ARHGAP10: variants seen among roughly 807,000 people sequenced by gnomAD.
ARHGAP10 encodes Rho GTPase activating protein 10.
ARHGAP10 carries 87 observed loss-of-function variants against 108.6 expected under a neutral mutation model. The observed-to-expected ratio is 0.80, with a 90% confidence interval of 0.67 to 0.96. ARHGAP10 has a LOEUF of 0.96. Among genes scored for constraint, ARHGAP10 ranks in the 40% least tolerant of loss-of-function variants. The pLI, the probability that ARHGAP10 is intolerant of heterozygous loss-of-function variation, is 0.00. For missense variants in ARHGAP10, 939 were observed against 954.5 expected, an observed-to-expected ratio of 0.98 and a Z score of 0.21; for synonymous variants, 347 against 341.1, an observed-to-expected ratio of 1.02 and a Z score of -0.19.
intron 1 of ARHGAP10, among the ~76,000 whole-genome samples, chr4:147,743,015 G>A (rs1728750557): frequency 6.7e-6 from 1 of 149,408 alleles, no homozygotes; most frequent in African/African-American, 2.5e-5. Flanking sequence ...CTGCCATACT[G>A]ATCGATAGTT....
At chr4:147,779,380 C>T (rs1208909482) in intron 1 of ARHGAP10, among the ~76,000 whole-genome samples, 1 of 152,088 alleles carries the variant, frequency 6.6e-6, no homozygotes, top group African/African-American at 2.4e-5. Context: ...CTGGCACTCT[C>T]TTTAGGCAGT....
At chr4:147,914,561 C>G (rs904542380) in intron 13 of ARHGAP10, among the ~76,000 whole-genome samples, 1 of 112,628 alleles carries the variant, frequency 8.9e-6, no homozygotes, top group Non-Finnish European at 1.8e-5. Context: ...TGCGCTCCCC[C>G]CCCCCCCTTT....
rs1560889641 is a variant in ARHGAP10, at chr4:148,043,748, A to ATGTGTATATATATGTG, written c.1868-3143_1868-3142insGTGTATATATATGTGT. Reference sequence around the variant, plus strand: ...CATATATATATGTGTATATATATGTATATATGTATATATATGTGTATATAT... The same window carrying ATGTGTATATATATGTG: ...CATATATATATGTGTATATATATGTATGTGTATATATATGTGTATATGTATATATATGTGTATATAT... On this transcript the variant is annotated intron_variant, in intron 19 of 22. Coordinates refer to ENST00000336498, the MANE Select transcript of ARHGAP10 (RefSeq NM_024605.4). Among the ~76,000 whole-genome samples, 983 of 144,194 alleles carry ATGTGTATATATATGTG rather than the reference A, an allele frequency of 6.8e-3. 13 individuals carry two copies. The highest frequency in any genetic ancestry group is 0.024 in the African/African-American group (938 of 39,334). The allele number at this position is 144,194 out of a possible 152,430, so 94.6% of individuals were successfully genotyped here.
intron 4 of ARHGAP10, chr4:147,854,602 TG>T (rs1000532651): frequency 5.7e-5 from 37 of 647,676 alleles, no homozygotes; most frequent in Non-Finnish European, 6.7e-5. Flanking sequence ...AATGCAGTAT[TG>T]GGGGAAAAAA....
Position 147,813,782 on chromosome 4 carries a change from A to G in ARHGAP10, c.155-8945A>G, listed in dbSNP as rs183433872. Among the ~76,000 whole-genome samples the G allele has an allele frequency of 1.2e-3, 189 of 152,306 alleles. 2 individuals carry two copies. Among genetic ancestry groups the G allele is most frequent in the Middle Eastern group, 3.4e-3 (1 of 294 alleles). ...CTGGTCTCTTCGTAATTGTATTCTC[A>G]TTATTTAAGGCTTTGCATTCAAAAG... On this transcript the variant is annotated intron_variant, in intron 1 of 22. Coordinates refer to ENST00000336498, the MANE Select transcript of ARHGAP10 (RefSeq NM_024605.4).
rs1021703925 is a variant in ARHGAP10 at position 147,893,336 on chromosome 4, A to G, written c.1034+11404A>G. Among the ~76,000 whole-genome samples, 3 of 151,724 alleles carry G rather than the reference A, an allele frequency of 2.0e-5. No homozygotes were observed. In the East Asian group the frequency reaches 5.8e-4, roughly 29 times the overall value. On this transcript the variant is annotated intron_variant, in intron 10 of 22. Transcript: ENST00000336498. ...GCCTCCCAAAGTGCTGGGATTACAG[A>G]CGTGAGCCACTGCTCCCGGCAGGAA...
intron 20 of ARHGAP10, among the ~76,000 whole-genome samples, chr4:148,061,909 G>A (rs930348752): frequency 2.6e-5 from 4 of 152,174 alleles, no homozygotes; most frequent in African/African-American, 9.7e-5. Context: ...TGGTGTCGCA[G>A]GCCTTCAGGG....
At chr4:147,940,365 C>T (rs1303122819) in intron 14 of ARHGAP10, among the ~76,000 whole-genome samples, 2 of 152,172 alleles carry the variant, frequency 1.3e-5, no homozygotes, top group Non-Finnish European at 2.9e-5. Flanking sequence ...ACCAGGCTCT[C>T]CTCCAGAACC....
intron 1 of ARHGAP10, among the ~76,000 whole-genome samples, chr4:147,784,608 A>T (rs1372283331): frequency 1.1e-4 from 12 of 112,862 alleles, no homozygotes; most frequent in African/African-American, 3.7e-4. Flanking sequence ...TTATATATTT[A>T]AAATAGAATA....
chr4:147,905,797 G>A (rs1173980715), intron 10 of ARHGAP10, among the ~76,000 whole-genome samples: 3 of 151,094 alleles, frequency 2.0e-5, no homozygotes, highest in Non-Finnish European at 4.4e-5. Flanking sequence ...GATGGGGATG[G>A]CATTGAATCT....
chr4:147,992,439 G>A (rs1220464638), intron 18 of ARHGAP10, among the ~76,000 whole-genome samples: 1 of 151,952 alleles, frequency 6.6e-6, no homozygotes, highest in African/African-American at 2.4e-5. Flanking sequence ...GAGGAGTCTC[G>A]CTCTGTTGCC....
intron 13 of ARHGAP10, 136 bp from the exon 14 acceptor site, chr4:147,939,689 A>AT (rs1330935689): frequency 7.7e-6 from 6 of 778,436 alleles, no homozygotes; most frequent in Admixed American, 2.3e-5. Context: ...TAAACACTTG[A>AT]TTTTTTCAAA....
At chr4:148,027,463 T>A (rs1052792092) in intron 19 of ARHGAP10, among the ~76,000 whole-genome samples, 1 of 152,246 alleles carries the variant, frequency 6.6e-6, no homozygotes, top group Non-Finnish European at 1.5e-5. Flanking sequence ...GTTATTGTAG[T>A]CCTACAGCGT....
At chr4:147,885,955 A>G (rs1368718289) in intron 10 of ARHGAP10, among the ~76,000 whole-genome samples, 11 of 152,380 alleles carry the variant, frequency 7.2e-5, no homozygotes, top group South Asian at 4.1e-4. Context: ...TAGCACTGGC[A>G]TAATGCCACA....
chr4:147,832,386 C>T (rs1429137222), intron 3 of ARHGAP10, among the ~76,000 whole-genome samples: 3 of 150,724 alleles, frequency 2.0e-5, no homozygotes, highest in South Asian at 2.1e-4. Flanking sequence ...CGGTAGCTCA[C>T]GCCTGTAATC....
intron 11 of ARHGAP10, among the ~76,000 whole-genome samples, chr4:147,907,700 A>C (rs1231482995): frequency 2.6e-5 from 4 of 152,342 alleles, no homozygotes; most frequent in Non-Finnish European, 1.5e-5. Context: ...TTGGAAAATG[A>C]AAACCTAAAT....
At chr4:147,900,769 A>G (rs1267749534) in intron 10 of ARHGAP10, among the ~76,000 whole-genome samples, 5 of 151,966 alleles carry the variant, frequency 3.3e-5, no homozygotes, top group South Asian at 2.1e-4. Flanking sequence ...TGTGATTGCT[A>G]TTTTTTCCCT....
At chr4:148,029,715 C>T (rs1377088119) in intron 19 of ARHGAP10, among the ~76,000 whole-genome samples, 1 of 152,148 alleles carries the variant, frequency 6.6e-6, no homozygotes, top group Admixed American at 6.5e-5. Context: ...AATAACTTCC[C>T]AAGCCCAGAA....
intron 3 of ARHGAP10, among the ~76,000 whole-genome samples, chr4:147,839,542 T>C (rs1177494829): frequency 6.6e-6 from 1 of 152,244 alleles, no homozygotes; most frequent in African/African-American, 2.4e-5. Context: ...ACTGAGACTT[T>C]AGAAAATTGT....
Sources: allele counts gnomAD v4.1 joint callset (sites outside exome capture counted in the v4.1 genomes callset), GRCh38; gene constraint gnomAD v4.1.1; transcripts MANE v1.5; gene names NCBI Gene and HGNC (gene_info 2026-07-23, HGNC 2026-07-21).